Variants in SGCZ observed in about 807,000 individuals in gnomAD.
SGCZ encodes the protein sarcoglycan zeta.
A neutral mutation model predicts 41.3 loss-of-function variants in SGCZ; 40 were observed. The ratio of observed to expected loss-of-function variants is 0.97; its 90% CI spans 0.75 to 1.26. SGCZ has a LOEUF of 1.26. SGCZ is among the 50% of genes most tolerant of loss of function. The pLI, the probability that SGCZ is intolerant of heterozygous loss-of-function variation, is 0.00. For missense variants in SGCZ, 552 were observed against 369.8 expected (o/e 1.49, Z -4.04); for synonymous variants, 206 against 137.5 (o/e 1.50, Z -3.49).
chr8:15,077,501 T>C (rs1585538850), intron 1 of SGCZ, among the ~76,000 whole-genome samples: 1 of 152,330 alleles, frequency 6.6e-6, no homozygotes, highest in East Asian at 1.9e-4. Flanking sequence ...TTCCACCATA[T>C]GGCAGTCAAT....
chr8:14,927,299 T>C (rs758674819), intron 1 of SGCZ, among the ~76,000 whole-genome samples: 6 of 151,440 alleles, frequency 4.0e-5, no homozygotes, highest in Non-Finnish European at 7.4e-5. Context: ...TTAGTAGAGA[T>C]GGGGTTTCAC....
chr8:14,452,459 G>T (rs963158526), intron 2 of SGCZ, among the ~76,000 whole-genome samples: 3 of 151,610 alleles, frequency 2.0e-5, no homozygotes, highest in Non-Finnish European at 4.4e-5. Flanking sequence ...CTCCAGCCTG[G>T]GTGACAGAGC....
At chr8:14,640,092 C>A (rs1252129912) in intron 1 of SGCZ, among the ~76,000 whole-genome samples, 1 of 151,642 alleles carries the variant, frequency 6.6e-6, no homozygotes, top group South Asian at 2.1e-4. Flanking sequence ...ACTTTAAGTG[C>A]TTTTCCCCTA....
At chr8:14,159,128 G>T (rs1803966390) in intron 5 of SGCZ, among the ~76,000 whole-genome samples, 1 of 151,888 alleles carries the variant, frequency 6.6e-6, no homozygotes, top group African/African-American at 2.4e-5. Context: ...TTGATACATG[G>T]CAGGATAAAT....
chr8:14,412,620 A>C (rs982393402), intron 2 of SGCZ, among the ~76,000 whole-genome samples: 5 of 152,090 alleles, frequency 3.3e-5, no homozygotes, highest in African/African-American at 1.2e-4. Flanking sequence ...TTAATGAGTA[A>C]CCTAACCTTT....
chr8:14,242,817 C>A (rs1465929483), intron 3 of SGCZ, among the ~76,000 whole-genome samples: 8 of 152,096 alleles, frequency 5.3e-5, no homozygotes, highest in African/African-American at 1.7e-4. Context: ...CGAGGAAGTA[C>A]TGTGTTTCTT....
intron 1 of SGCZ, among the ~76,000 whole-genome samples, chr8:14,792,051 A>T (rs1411341581): frequency 1.3e-5 from 2 of 152,246 alleles, no homozygotes; most frequent in African/African-American, 4.8e-5. Context: ...GATTAAAAAC[A>T]GTTGCCAATA....
At chr8:14,827,505 T>C (rs910708214) in intron 1 of SGCZ, among the ~76,000 whole-genome samples, 2 of 152,016 alleles carry the variant, frequency 1.3e-5, no homozygotes, top group African/African-American at 2.4e-5. Flanking sequence ...CCAAAGTGCT[T>C]ATATCACATT....
chr8:14,191,634 C>G (rs1219438745), intron 4 of SGCZ, among the ~76,000 whole-genome samples: 1 of 152,144 alleles, frequency 6.6e-6, no homozygotes, highest in African/African-American at 2.4e-5. Context: ...AAATGTGTAA[C>G]CCTGAGCTGG....
intron 1 of SGCZ, among the ~76,000 whole-genome samples, chr8:15,177,854 G>C (rs1800046546): frequency 6.6e-6 from 1 of 152,268 alleles, no homozygotes; most frequent in South Asian, 2.1e-4. Context: ...TTCCAGTCTA[G>C]ACACTTGGGG....
At chr8:14,501,760 T>C (rs1354298780) in intron 2 of SGCZ, among the ~76,000 whole-genome samples, 4 of 152,116 alleles carry the variant, frequency 2.6e-5, no homozygotes, top group African/African-American at 9.6e-5. Flanking sequence ...AGCAGACTAT[T>C]CCCTCCAAAA....
intron 1 of SGCZ, among the ~76,000 whole-genome samples, chr8:14,606,011 T>G (rs1312508877): frequency 6.6e-6 from 1 of 152,148 alleles, no homozygotes; most frequent in Non-Finnish European, 1.5e-5. Context: ...CTGTATACCT[T>G]TCTCTATGTA....
intron 1 of SGCZ, among the ~76,000 whole-genome samples, chr8:14,826,440 G>T (rs551280773): frequency 1.4e-3 from 215 of 152,140 alleles, no homozygotes; most frequent in African/African-American, 5.0e-3. Context: ...ATCCTTTGGG[G>T]ATATACCCAG....
intron 1 of SGCZ, among the ~76,000 whole-genome samples, chr8:14,695,218 T>A (rs1808920593): frequency 6.6e-6 from 1 of 152,150 alleles, no homozygotes; most frequent in South Asian, 2.1e-4. Flanking sequence ...GACATAATGA[T>A]GTATTGCCAT....
At chr8:14,880,700 A>G (rs943547506) in intron 1 of SGCZ, among the ~76,000 whole-genome samples, 1 of 152,114 alleles carries the variant, frequency 6.6e-6, no homozygotes, top group Non-Finnish European at 1.5e-5. Context: ...AACTATCACA[A>G]AGACAGAAAA....
At chr8:14,349,933 TA>T (rs1277022740) in intron 2 of SGCZ, among the ~76,000 whole-genome samples, 20 of 152,064 alleles carry the variant, frequency 1.3e-4, no homozygotes, top group Non-Finnish European at 2.8e-4. Context: ...CGTGTAGCTT[TA>T]AAAAATGTTT....
chr8:14,252,666 A>C (rs1305517802), intron 3 of SGCZ, among the ~76,000 whole-genome samples: 1 of 152,134 alleles, frequency 6.6e-6, no homozygotes, highest in African/African-American at 2.4e-5. Context: ...CCTCGAGATA[A>C]TATAAAGTCG....
In SGCZ at chr8:14,702,822, TAGATAGATAGATA is replaced by T. The variant is rs1185599634; in HGVS notation, c.40-147909_40-147897del. 1.3e-3 allele frequency among the ~76,000 whole-genome samples: 12 copies of T among 9,110 alleles called. No individual in the cohort carries two copies. The East Asian group carries it at 0.02, about 15-fold the overall frequency. The allele number at this position is 9,110 out of a possible 152,430, so 6.0% of individuals were successfully genotyped here. Reference sequence around the variant, plus strand: ...ACAGGTAGGTAGTTAGGTAGATAGATAGATAGATAGATAGATAGATAGATAGATAGATAGATAG... The same window carrying T: ...ACAGGTAGGTAGTTAGGTAGATAGATGATAGATAGATAGATAGATAGATAG... On this transcript the variant is annotated intron_variant, in intron 1 of 7. Coordinates refer to ENST00000382080, the MANE Select transcript of SGCZ (RefSeq NM_139167.4).
At chr8:14,817,813 C>G (rs1251000072) in intron 1 of SGCZ, among the ~76,000 whole-genome samples, 1 of 152,168 alleles carries the variant, frequency 6.6e-6, no homozygotes, top group Admixed American at 6.5e-5. Context: ...CACACAGCTA[C>G]ATCCAGTTCA....
Sources: allele counts gnomAD v4.1 joint callset (sites outside exome capture counted in the v4.1 genomes callset), GRCh38; gene constraint gnomAD v4.1.1; transcripts MANE v1.5; gene names NCBI Gene and HGNC (gene_info 2026-07-23, HGNC 2026-07-21).